The following UGT1A7 variants were observed in gnomAD, a reference collection of about 807,000 sequenced individuals.
The protein encoded by UGT1A7 is UDP glucuronosyltransferase family 1 member A7.
In UGT1A7, 33 loss-of-function variants were observed where a neutral mutation model predicts 45.6. The ratio of observed to expected loss-of-function variants is 0.72; its 90% CI spans 0.55 to 0.97. The LOEUF (loss-of-function observed/expected upper bound fraction) is 0.97, where lower values mean the gene tolerates loss of function less well. Among genes scored for constraint, UGT1A7 ranks in the 50% least tolerant of loss-of-function variants. The probability of loss-of-function intolerance (pLI) is 0.00; values close to 1 mark genes in which losing one functional copy is unlikely to be tolerated. For synonymous variants in UGT1A7, 274 were observed against 250.6 expected (o/e 1.09, Z -0.88); for missense variants, 684 against 666.2 (o/e 1.03, Z -0.29).
At chr2:233,727,726 T>C (rs1372996162) in intron 1 of UGT1A7, among the ~76,000 whole-genome samples, 1 of 152,208 alleles carries the variant, frequency 6.6e-6, no homozygotes, top group Admixed American at 6.5e-5. Flanking sequence ...CAGACCTTCC[T>C]TTTCTGTGCC....
chr2:233,764,888 C>G (rs1553621888), intron 1 of UGT1A7, among the ~76,000 whole-genome samples: 1 of 147,412 alleles, frequency 6.8e-6, no homozygotes, highest in Non-Finnish European at 1.5e-5. Context: ...AAGGCAAAGA[C>G]AAAGCCCTTA....
At chr2:233,689,119 C>A (rs1178609064) in intron 1 of UGT1A7, among the ~76,000 whole-genome samples, 3 of 152,204 alleles carry the variant, frequency 2.0e-5, no homozygotes, top group African/African-American at 7.2e-5. Flanking sequence ...GGAACCACAA[C>A]CCACATTGTT....
intron 1 of UGT1A7, among the ~76,000 whole-genome samples, chr2:233,748,320 G>T (rs1427281151): frequency 6.6e-6 from 1 of 151,764 alleles, no homozygotes; most frequent in Non-Finnish European, 1.5e-5. Flanking sequence ...GACTAGGACT[G>T]ATGTGACTCA....
At chr2:233,699,684 A>AT (rs2075518038) in intron 1 of UGT1A7, among the ~76,000 whole-genome samples, 1 of 152,196 alleles carries the variant, frequency 6.6e-6, no homozygotes, top group Non-Finnish European at 1.5e-5. Context: ...CTGAGAGGTG[A>AT]TAAAAACAAT....
At chr2:233,757,553 T>TATATATATATATATACATATAC (rs1164104376) in intron 1 of UGT1A7, among the ~76,000 whole-genome samples, 4 of 136,130 alleles carry the variant, frequency 2.9e-5, no homozygotes, top group Admixed American at 7.1e-5. Context: ...TATATATATA[T>TATATATATATATATACATATAC]ATATATATGT....
At chr2:233,765,252 C>T (rs1390588094) in intron 1 of UGT1A7, among the ~76,000 whole-genome samples, 1 of 152,180 alleles carries the variant, frequency 6.6e-6, no homozygotes, top group Non-Finnish European at 1.5e-5. Flanking sequence ...AATCCCATTA[C>T]TGGGTATATA....
At chr2:233,732,782 G>A (rs1439304470) in intron 1 of UGT1A7, among the ~76,000 whole-genome samples, 1 of 126,430 alleles carries the variant, frequency 7.9e-6, no homozygotes, top group East Asian at 2.4e-4. Context: ...GCTTAGGATT[G>A]TCTTGGCAAT....
At chr2:233,744,758 T>C (rs1487522872) in intron 1 of UGT1A7, among the ~76,000 whole-genome samples, 3 of 151,834 alleles carry the variant, frequency 2.0e-5, no homozygotes, top group Non-Finnish European at 4.4e-5. Flanking sequence ...ATGGAAATAG[T>C]TTTAACTTTG....
intron 1 of UGT1A7, among the ~76,000 whole-genome samples, chr2:233,726,762 C>T (rs2077560104): frequency 6.6e-6 from 1 of 152,196 alleles, no homozygotes; most frequent in Non-Finnish European, 1.5e-5. Flanking sequence ...CTACCACAGA[C>T]ACTAAGCTTA....
rs2077433464 is a variant in UGT1A7, at chr2:233,725,312, A to AGAGGCAGAGGCG, written c.856-41717_856-41716insAGAGGCGGAGGC. ...CAGAGGCAGAGGCAGAGGCAGAGGCAGAGGCGCCTGGTCAACAATCTTAAG... is the reference window on the plus strand; with the variant it reads ...CAGAGGCAGAGGCAGAGGCAGAGGCAGAGGCAGAGGCGGAGGCGCCTGGTCAACAATCTTAAG... On this transcript the variant is annotated intron_variant, in intron 1 of 4. Transcript: ENST00000373426. 1.8e-5 allele frequency among the ~76,000 whole-genome samples: 2 copies of AGAGGCAGAGGCG among 110,292 alleles called. 1 individual carries two copies. Among genetic ancestry groups the AGAGGCAGAGGCG allele is most frequent in the Non-Finnish European group, 3.5e-5 (2 of 56,414 alleles). 72.4% of individuals were successfully genotyped at this position (110,292 alleles called of 152,430 possible).
At chr2:233,741,911 A>C (rs909136076) in intron 1 of UGT1A7, 2 of 151,838 alleles carry the variant, frequency 1.3e-5, no homozygotes, top group African/African-American at 4.9e-5. Flanking sequence ...GTGATGGAAA[A>C]GGTCTTCATT....
rs144416943 is a variant in UGT1A7, at chr2:233,751,718, G to A, written c.856-15316G>A. 2.1e-3 allele frequency among the ~76,000 whole-genome samples: 324 copies of A among 152,254 alleles called. 2 individuals carry two copies. The highest frequency in any genetic ancestry group is 7.5e-3 in the African/African-American group (310 of 41,552). ...GGGGCTCTTCCTCCTTCACTCACAA[G>A]TGAACTCTTCCTCTCTGTTTCTCTC... On this transcript the variant is annotated intron_variant, in intron 1 of 4. Transcript: ENST00000373426.
Position 233,714,266 on chromosome 2 carries a change from G to T in UGT1A7, c.855+31474G>T, listed in dbSNP as rs374255632. On this transcript the variant is annotated intron_variant, in intron 1 of 4. Transcript: ENST00000373426. Reference sequence around the variant, plus strand: ...GAGGAAGGAATAGAAATTTACAATTGTTGACGTGACAATTTTTAGTGGTCC... The same window carrying T: ...GAGGAAGGAATAGAAATTTACAATTTTTGACGTGACAATTTTTAGTGGTCC... Among the ~76,000 whole-genome samples the T allele has an allele frequency of 7.9e-5, 12 of 152,326 alleles. No homozygotes were observed. In the East Asian group the frequency reaches 2.3e-3, roughly 29 times the overall value.
In UGT1A7 at chr2:233,772,505, A is replaced by T. The variant is rs772037816; in HGVS notation, c.1539A>T (p.Lys513Asn). 13 of 1,614,204 alleles carry T rather than the reference A, an allele frequency of 8.1e-6. No individual in the cohort carries two copies. Among genetic ancestry groups the T allele is most frequent in the South Asian group, 1.1e-5 (1 of 91,082 alleles). ...TFKCCAYGYR[K>N]CLGKKGRVKK... is the part of the protein sequence containing the mutation. ...AATGTTGTGCTTATGGCTACCGGAA[A>T]TGCTTGGGGAAAAAAGGGCGAGTTA... The change falls in exon 5 of 5, where the codon AAA (lysine) becomes AAT (asparagine). Residue 513 changes from lysine (K) to asparagine (N), a missense_variant. Transcript: ENST00000373426.
At chr2:233,736,545 G>A (rs1335002348) in intron 1 of UGT1A7, among the ~76,000 whole-genome samples, 1 of 152,160 alleles carries the variant, frequency 6.6e-6, no homozygotes, top group Non-Finnish European at 1.5e-5. Context: ...TTCCAGCTTT[G>A]CTCCATTGCT....
At chr2:233,760,104 A>T in intron 1 of UGT1A7, 1 of 1,171,464 alleles carries the variant, frequency 8.5e-7, no homozygotes, top group Non-Finnish European at 1.2e-6. Flanking sequence ...GTTGCCTATT[A>T]AGAAACCTAA....
chr2:233,716,724 T>C (rs908314091), intron 1 of UGT1A7, among the ~76,000 whole-genome samples: 3 of 152,214 alleles, frequency 2.0e-5, no homozygotes, highest in African/African-American at 7.2e-5. Flanking sequence ...TTCCAGTTTA[T>C]ATGTTTAGCT....
rs115693071 is a variant in UGT1A7 at position 233,730,075 on chromosome 2, T to C, written c.856-36959T>C. ...ATGTATTTATTTAAAATTGCTTCCA[T>C]ATTTACTTATCTTTCCAAATATTTC... On this transcript the variant is annotated intron_variant, in intron 1 of 4. Coordinates refer to ENST00000373426, the MANE Select transcript of UGT1A7 (RefSeq NM_019077.3). 4.0e-4 allele frequency: 646 copies of C among 1,607,268 alleles called. 1 individual carries two copies. In the African/African-American group the frequency reaches 5.1e-3, roughly 13 times the overall value.
intron 3 of UGT1A7, 40 bp downstream of exon 3, chr2:233,767,976 C>A: frequency 6.2e-7 from 1 of 1,614,040 alleles, no homozygotes; most frequent in South Asian, 1.1e-5. Context: ...AAACCAGGGT[C>A]AAATTAAGAA....
Sources: allele counts gnomAD v4.1 joint callset (sites outside exome capture counted in the v4.1 genomes callset), GRCh38; gene constraint gnomAD v4.1.1; transcripts MANE v1.5; gene names NCBI Gene and HGNC (gene_info 2026-07-23, HGNC 2026-07-21).